Variants in SGCD observed in about 807,000 individuals in gnomAD.
The protein encoded by SGCD is sarcoglycan delta, also known as delta-sarcoglycan.
SGCD carries 18 observed loss-of-function variants against 36.6 expected under a neutral mutation model. That is an observed-to-expected ratio of 0.49 (90% CI 0.34 to 0.73). The LOEUF is 0.73. SGCD is among the 30% of genes least tolerant of loss of function. The probability of loss-of-function intolerance (pLI) is 0.01; values close to 1 mark genes in which losing one functional copy is unlikely to be tolerated. For synonymous variants in SGCD, 133 were observed against 130.6 expected (o/e 1.02, Z -0.12); for missense variants, 387 against 346.7 (o/e 1.12, Z -0.92).
intron 1 of SGCD, among the ~76,000 whole-genome samples, chr5:155,905,040 A>G (rs577556763): frequency 5.9e-5 from 9 of 152,272 alleles, no homozygotes; most frequent in African/African-American, 1.4e-4. Context: ...CTGTGAACAT[A>G]ACAGTATCTT....
chr5:155,779,802 A>G, the SGCD span, among the ~76,000 whole-genome samples: 1 of 152,184 alleles, frequency 6.6e-6, no homozygotes, highest in African/African-American at 2.4e-5. Flanking sequence ...CATCCTTGCC[A>G]ACACTTGGTA....
chr5:156,082,424 G>C lies in SGCD; in HGVS notation c.-281-35454G>C, dbSNP rs527430240. Among the ~76,000 whole-genome samples, 11 of 152,204 alleles carry C rather than the reference G, an allele frequency of 7.2e-5. No homozygotes were observed. In the East Asian group the frequency reaches 2.1e-3, roughly 29 times the overall value. On this transcript the variant is annotated intron_variant, in intron 1 of 9. Transcript: ENST00000517913. The stretch of plus-strand genomic sequence containing the variant: ...ACCCTCTATACCTTACCACTAACCT[G>C]TCTTCCATTTCTAAAAATTTGATCA...
chr5:156,596,801 A>C (rs1057236077), intron 6 of SGCD, among the ~76,000 whole-genome samples: 1 of 152,086 alleles, frequency 6.6e-6, no homozygotes, highest in South Asian at 2.1e-4. Context: ...AATTCAGTGG[A>C]TCTTGAATGC....
At chr5:156,386,423 A>T (rs545422167) in intron 3 of SGCD, among the ~76,000 whole-genome samples, 1 of 152,364 alleles carries the variant, frequency 6.6e-6, no homozygotes, top group South Asian at 2.1e-4. Flanking sequence ...AATACAATAC[A>T]TGTGGCCAAG....
At chr5:156,714,859 A>C (rs1416688355) in intron 7 of SGCD, among the ~76,000 whole-genome samples, 1 of 152,226 alleles carries the variant, frequency 6.6e-6, no homozygotes, top group Non-Finnish European at 1.5e-5. Context: ...CCTTTCAGAG[A>C]ATCATTCTGT....
chr5:156,610,566 A>G (rs1761745535), intron 6 of SGCD, among the ~76,000 whole-genome samples: 4 of 152,182 alleles, frequency 2.6e-5, no homozygotes, highest in Admixed American at 2.6e-4. Flanking sequence ...CTCTCTTCAA[A>G]GCTGTCTGAC....
At chr5:156,041,231 C>G (rs2127578314) in intron 1 of SGCD, among the ~76,000 whole-genome samples, 1 of 152,308 alleles carries the variant, frequency 6.6e-6, no homozygotes, top group East Asian at 1.9e-4. Flanking sequence ...ATGGCCTAGG[C>G]CAACAGCACC....
intron 3 of SGCD, among the ~76,000 whole-genome samples, chr5:156,277,333 A>T (rs1451876734): frequency 6.6e-6 from 1 of 152,128 alleles, no homozygotes; most frequent in Non-Finnish European, 1.5e-5. Flanking sequence ...TGCAGGCAAC[A>T]TTATTGTTAC....
the SGCD span, among the ~76,000 whole-genome samples, chr5:155,808,675 A>T: frequency 6.6e-6 from 1 of 152,238 alleles, no homozygotes; most frequent in Admixed American, 6.5e-5. Flanking sequence ...TTTAGGGATT[A>T]TCTAGCCAAT....
intron 1 of SGCD, among the ~76,000 whole-genome samples, chr5:155,974,666 G>A (rs1758074432): frequency 6.6e-6 from 1 of 151,952 alleles, no homozygotes; most frequent in Non-Finnish European, 1.5e-5. Context: ...TTTCCTGCTG[G>A]ACATAGGCTG....
chr5:156,651,227 G>A (rs1581334847), intron 7 of SGCD, among the ~76,000 whole-genome samples: 1 of 152,002 alleles, frequency 6.6e-6, no homozygotes, highest in Admixed American at 6.6e-5. Context: ...TGCATAGTTT[G>A]ATAATATTTT....
At chr5:156,382,042 G>A (rs7715464) in intron 3 of SGCD, among the ~76,000 whole-genome samples, 23,415 of 151,952 alleles carry the variant, frequency 0.15, 1,967 homozygotes, top group Middle Eastern at 0.27. Flanking sequence ...AGTTGTTGAA[G>A]TATGTATGGT....
chr5:156,454,294 A>C (rs1431714373), intron 3 of SGCD, among the ~76,000 whole-genome samples: 2 of 152,206 alleles, frequency 1.3e-5, no homozygotes, highest in African/African-American at 4.8e-5. Context: ...TCCAATCATG[A>C]GATAGAAACC....
intron 3 of SGCD, among the ~76,000 whole-genome samples, chr5:156,139,753 A>G (rs561079700): frequency 3.0e-4 from 46 of 152,338 alleles, no homozygotes; most frequent in African/African-American, 1.1e-3. Flanking sequence ...AACTGGTAGC[A>G]TGGAAGAGAA....
intron 1 of SGCD, among the ~76,000 whole-genome samples, chr5:156,044,684 G>T (rs1482469001): frequency 5.3e-5 from 8 of 152,108 alleles, no homozygotes; most frequent in Non-Finnish European, 2.9e-5. Flanking sequence ...TTTTCATATA[G>T]AAGGACTTAC....
chr5:156,306,328 G>C (rs1211465560), intron 3 of SGCD, among the ~76,000 whole-genome samples: 3 of 152,114 alleles, frequency 2.0e-5, no homozygotes, highest in Non-Finnish European at 4.4e-5. Context: ...GTTCCATAAG[G>C]GGGGGTTTCC....
rs59606565 is a variant in SGCD at position 156,319,796 on chromosome 5, T to C, written c.-43-9738T>C. Among the ~76,000 whole-genome samples the C allele has an allele frequency of 2.7e-3, 415 of 152,326 alleles. 3 individuals are homozygous for C. The highest frequency in any genetic ancestry group is 9.5e-3 in the African/African-American group (396 of 41,580). On this transcript the variant is annotated intron_variant, in intron 3 of 9. Coordinates refer to the SGCD transcript ENST00000517913. ...TTGTCTCATACAAGTAATGAAAAGG[T>C]TGGACTTGATGACATATTATTTCCT...
At chr5:156,210,671 A>G (rs1489989415) in intron 3 of SGCD, among the ~76,000 whole-genome samples, 1 of 151,462 alleles carries the variant, frequency 6.6e-6, no homozygotes, top group Non-Finnish European at 1.5e-5. Context: ...TAATGAAATG[A>G]AAAAAAATGC....
chr5:156,119,970 C>T (rs1761995556), intron 2 of SGCD, among the ~76,000 whole-genome samples: 1 of 152,178 alleles, frequency 6.6e-6, no homozygotes, highest in Admixed American at 6.6e-5. Flanking sequence ...TAGCACTCTC[C>T]CATGCAGACA....
Sources: allele counts gnomAD v4.1 joint callset (sites outside exome capture counted in the v4.1 genomes callset), GRCh38; gene constraint gnomAD v4.1.1; transcripts MANE v1.5; gene names NCBI Gene and HGNC (gene_info 2026-07-23, HGNC 2026-07-21).